ABCA10: variants seen among roughly 807,000 people sequenced by gnomAD.
ABCA10 encodes the protein ATP-binding cassette sub-family A member 10.
Under a neutral mutation model 187.5 loss-of-function variants are expected in ABCA10, and 169 were observed. That is an observed-to-expected ratio of 0.90 (90% CI 0.80 to 1.02). ABCA10 has a LOEUF of 1.02. Among genes scored for constraint, ABCA10 ranks in the 50% least tolerant of loss-of-function variants. ABCA10 has a pLI of 0.00. For missense variants in ABCA10, 1,727 were observed against 1,812.4 expected (o/e 0.95, Z 0.86); for synonymous variants, 574 against 601.8 (o/e 0.95, Z 0.68).
At chr17:69,182,534 T>C (rs1274938486) in intron 21 of ABCA10, 141 bp downstream of exon 21, 4 of 1,088,034 alleles carry the variant, frequency 3.7e-6, no homozygotes, top group African/African-American at 3.3e-5. Context: ...ATATTTTATG[T>C]GACAAAGAAA....
intron 25 of ABCA10, among the ~76,000 whole-genome samples, chr17:69,172,541 T>C (rs920922741): frequency 1.3e-5 from 2 of 152,142 alleles, no homozygotes; most frequent in Non-Finnish European, 2.9e-5. Flanking sequence ...TTCTGACCTC[T>C]AGAATTGTGA....
At chr17:69,232,700 TTTAGA>T (rs1041402797), upstream of ABCA10, among the ~76,000 whole-genome samples, 1 of 151,794 alleles carries the variant, frequency 6.6e-6, no homozygotes, top group African/African-American at 2.4e-5. Flanking sequence ...CATTCTTCTC[TTTAGA>T]TTAGAACTCC....
At chr17:69,187,195 T>A (rs1052672428) in intron 19 of ABCA10, among the ~76,000 whole-genome samples, 10 of 152,086 alleles carry the variant, frequency 6.6e-5, no homozygotes, top group African/African-American at 2.4e-4. Context: ...ATATGGCCAA[T>A]TACAGTCGGT....
At chr17:69,155,469 GTTA>G (rs2144755546) in intron 29 of ABCA10, among the ~76,000 whole-genome samples, 1 of 152,134 alleles carries the variant, frequency 6.6e-6, no homozygotes, top group South Asian at 2.1e-4. Context: ...ATGCTATTCA[GTTA>G]TTAATATTAC....
chr17:69,187,436 G>A (rs985433192), intron 19 of ABCA10, among the ~76,000 whole-genome samples: 14 of 152,084 alleles, frequency 9.2e-5, no homozygotes, highest in South Asian at 2.1e-4. Flanking sequence ...ACAGATTTGA[G>A]CTGGTCTCCT....
intron 10 of ABCA10, among the ~76,000 whole-genome samples, chr17:69,198,253 G>A (rs1423955925): frequency 6.6e-6 from 1 of 152,098 alleles, no homozygotes; most frequent in Non-Finnish European, 1.5e-5. Flanking sequence ...CTCAACCAGG[G>A]CTATGACCTC....
intron 24 of ABCA10, 101 bp downstream of exon 24, chr17:69,174,506 G>A (rs2074319713): frequency 6.9e-7 from 1 of 1,443,318 alleles, no homozygotes. Context: ...TTATTTTCTT[G>A]CATATTACAT....
chr17:69,201,815 CGCTCTGTTGCCCAGGCAGGA>C, intron 9 of ABCA10, 147 bp from the exon 10 acceptor site: 1 of 676,704 alleles, frequency 1.5e-6, no homozygotes, highest in Non-Finnish European at 2.2e-6. Flanking sequence ...GAGACAGTCA[CGCTCTGTTGCCCAGGCAGGA>C]GTGCAATGGC....
intron 22 of ABCA10, among the ~76,000 whole-genome samples, chr17:69,180,032 C>T (rs1045058547): frequency 6.6e-6 from 1 of 152,170 alleles, no homozygotes; most frequent in African/African-American, 2.4e-5. Context: ...CTGTAACATG[C>T]TTCCACAGTA....
At position 69,176,075 on chromosome 17, in the gene ABCA10, G is replaced by T. The variant is rs188563732; in HGVS notation, c.2770-562C>A. ...AAACATCAGAAAGCAAAATCACTGT[G>T]AAGGGGGACTATTGTACTTAGAGGG... On this transcript the variant is annotated intron_variant, in intron 22 of 38. Transcript: ENST00000690296. Among the ~76,000 whole-genome samples the T allele has an allele frequency of 1.3e-4, 20 of 152,260 alleles. No homozygotes were observed. The East Asian group carries it at 3.9e-3, about 29-fold the overall frequency.
At chr17:69,171,934 CAAAAA>C (rs555588771) in intron 25 of ABCA10, among the ~76,000 whole-genome samples, 1 of 80,270 alleles carries the variant, frequency 1.2e-5, no homozygotes, top group Non-Finnish European at 2.5e-5. Context: ...TTTGGGAAGC[CAAAAA>C]AAAAAAAAAA....
Position 69,193,841 on chromosome 17 carries a change from C to T in ABCA10, c.1494G>A (p.Gly498=), listed in dbSNP as rs373267029. The T allele has an allele frequency of 4.3e-6, 7 of 1,613,400 alleles. No homozygotes were observed. The highest frequency in any genetic ancestry group is 1.3e-5 in the African/African-American group (1 of 74,906). The change falls in exon 13 of 39, where the codon GGG becomes GGA. Residue 498 remains glycine (G), a synonymous_variant. Transcript: ENST00000690296. ...ENLRVFAKIK[G]IQPKEVEQEV... ...CTTGTTCCACTTCCTTTGGCTGAAT[C>T]CCTTTTATTTTAGCAAATACCCTGA...
At chr17:69,209,608 T>C (rs2074621161) in intron 9 of ABCA10, among the ~76,000 whole-genome samples, 1 of 152,188 alleles carries the variant, frequency 6.6e-6, no homozygotes, top group Non-Finnish European at 1.5e-5. Flanking sequence ...AAAATAACAG[T>C]AATAGTCAGA....
chr17:69,215,143 T>C lies in ABCA10; in HGVS notation c.859-292A>G, dbSNP rs570021573. Among the ~76,000 whole-genome samples the C allele has an allele frequency of 6.2e-4, 94 of 152,174 alleles. 5 individuals are homozygous for C. The South Asian group carries it at 0.019, about 31-fold the overall frequency. On this transcript the variant is annotated intron_variant, in intron 8 of 38. Coordinates refer to ENST00000690296, the MANE Select transcript of ABCA10 (RefSeq NM_001377321.1). ...GGAGAAGTGGACAAGCAACCAAATATAACATACTTTGGGAAGGAAAACTTG... is the reference window on the plus strand; with the variant it reads ...GGAGAAGTGGACAAGCAACCAAATACAACATACTTTGGGAAGGAAAACTTG...
At chr17:69,225,191 C>T (rs558696273) in intron 3 of ABCA10, 134 bp downstream of exon 3, 2 of 943,252 alleles carry the variant, frequency 2.1e-6, no homozygotes, top group Admixed American at 2.1e-5. Context: ...AACCCCTGTA[C>T]TGCATATATA....
Position 69,225,496 on chromosome 17 carries a change from A to C in ABCA10, c.-138T>G. ...CTGAAGTGTTCCGAAAAGATGCACA[A>C]ATATAGCCCTAGAAACAATGTTATT... On this transcript the variant is annotated 5_prime_UTR_variant, in exon 3 of 39. The change creates a new upstream start codon in the 5' untranslated region. Coordinates refer to ENST00000690296, the MANE Select transcript of ABCA10 (RefSeq NM_001377321.1). The C allele has an allele frequency of 1.4e-6, 1 of 715,222 alleles. No homozygotes were observed. The highest frequency in any genetic ancestry group is 2.4e-6 in the Non-Finnish European group (1 of 424,486). The allele number at this position is 715,222 out of a possible 1,614,324, so 44.3% of individuals were successfully genotyped here. A position where few individuals can be genotyped will look rare whatever the true frequency, so the allele number is the denominator to read the frequency against.
chr17:69,206,166 T>G (rs1568068109), intron 9 of ABCA10, among the ~76,000 whole-genome samples: 1 of 152,200 alleles, frequency 6.6e-6, no homozygotes, highest in Non-Finnish European at 1.5e-5. Context: ...AAACTTACAT[T>G]AAATTTAGGA....
At chr17:69,215,749 A>G (rs2074698633) in intron 8 of ABCA10, 66 bp downstream of exon 8, 6 of 1,322,146 alleles carry the variant, frequency 4.5e-6, no homozygotes, top group South Asian at 4.6e-5. Flanking sequence ...ATGAGGCACC[A>G]AATTCTTGAA....
Position 69,194,501 on chromosome 17 carries a change from T to A in ABCA10, c.1235-6A>T. Reference sequence around the variant, plus strand: ...ATATATGTCAAAAAATATGCCTGTTTTAGAATAAAAAGTGGAAATTAGATT... The same window carrying A: ...ATATATGTCAAAAAATATGCCTGTTATAGAATAAAAAGTGGAAATTAGATT... On this transcript the variant is annotated splice_polypyrimidine_tract_variant and splice_region_variant and intron_variant, in intron 11 of 38. Coordinates refer to ENST00000690296, the MANE Select transcript of ABCA10 (RefSeq NM_001377321.1). 1.3e-6 allele frequency: 2 copies of A among 1,590,366 alleles called. No individual in the cohort carries two copies.
Sources: allele counts gnomAD v4.1 joint callset (sites outside exome capture counted in the v4.1 genomes callset), GRCh38; gene constraint gnomAD v4.1.1; transcripts MANE v1.5; gene names NCBI Gene and HGNC (gene_info 2026-07-23, HGNC 2026-07-21).